The following RAB27A variants were observed in gnomAD, a reference collection of about 807,000 sequenced individuals.
RAB27A encodes RAB27A, member RAS oncogene family, also known as ras-related protein Rab-27A.
In RAB27A, 17 loss-of-function variants were observed where a neutral mutation model predicts 20.8. That is an observed-to-expected ratio of 0.82 (90% CI 0.56 to 1.23). RAB27A has a LOEUF of 1.23. Among genes scored for constraint, RAB27A ranks in the 50% most tolerant of loss-of-function variants. The pLI, the probability that RAB27A is intolerant of heterozygous loss-of-function variation, is 0.00. For missense variants in RAB27A, 277 were observed against 266.7 expected (o/e 1.04, Z -0.27); for synonymous variants, 85 against 92.8 (o/e 0.92, Z 0.48).
In RAB27A at chr15:55,223,930, T is replaced by C. The variant is rs1192923020; in HGVS notation, c.426A>G (p.Val142=). ...GNKSDLEDQR[V]VKEEEAIALA... is the part of the protein sequence containing the mutation. ...GTGCTATGGCTTCCTCCTCTTTCAC[T>C]ACTCTCTGGTCCTCCAGATCACTCT... The change falls in exon 6 of 7, where the codon GTA becomes GTG. Residue 142 remains valine, a synonymous_variant. Transcript: ENST00000336787. 10 of 1,613,848 alleles carry C rather than the reference T, an allele frequency of 6.2e-6. No individual in the cohort carries two copies. Among genetic ancestry groups the C allele is most frequent in the Non-Finnish European group, 8.5e-6 (10 of 1,179,906 alleles).
intron 6 of RAB27A, among the ~76,000 whole-genome samples, chr15:55,206,553 G>A (rs889867357): frequency 3.9e-5 from 6 of 152,070 alleles, no homozygotes; most frequent in African/African-American, 1.4e-4. Context: ...ATGTTGCCCA[G>A]GCTGGTTTCG....
rs72742261 is a variant in RAB27A, at chr15:55,234,688, C to T, written c.153+94G>A. The T allele has an allele frequency of 0.29, 387,630 of 1,359,918 alleles. 61,288 individuals carry two copies. The highest frequency in any genetic ancestry group is 0.65 in the East Asian group (28,010 of 43,278). The allele number at this position is 1,359,918 out of a possible 1,614,324, so 84.2% of individuals were successfully genotyped here. ...ATGTACCTTTAATTTCAGATCCCAA[C>T]CTTTGTCCTCCTAATTCCTACAAAG... On this transcript the variant is annotated intron_variant, in intron 3 of 6. Coordinates refer to ENST00000336787, the MANE Select transcript of RAB27A (RefSeq NM_183235.3).
chr15:55,294,133 T>TAA (rs146292652), upstream of RAB27A, among the ~76,000 whole-genome samples: 44 of 148,070 alleles, frequency 3.0e-4, no homozygotes, highest in African/African-American at 1.0e-3. Context: ...GTATAGTAAT[T>TAA]AAAAAAAAAA....
intron 2 of RAB27A, among the ~76,000 whole-genome samples, chr15:55,306,947 A>G (rs2054999469): frequency 6.6e-6 from 1 of 152,162 alleles, no homozygotes; most frequent in South Asian, 2.1e-4. Flanking sequence ...CAGATCCTCT[A>G]GAGGTTCAAA....
At chr15:55,252,979 A>G (rs892370432) in intron 2 of RAB27A, among the ~76,000 whole-genome samples, 7 of 151,974 alleles carry the variant, frequency 4.6e-5, no homozygotes, top group Non-Finnish European at 7.4e-5. Context: ...TAAAATTACA[A>G]AAATTAGTTG....
At chr15:55,287,558 ACCAACATGGAGAAAC>A (rs1216841742) in intron 1 of RAB27A, among the ~76,000 whole-genome samples, 1 of 151,932 alleles carries the variant, frequency 6.6e-6, no homozygotes, top group Admixed American at 6.6e-5. Context: ...GACCAGCCTG[ACCAACATGGAGAAAC>A]CCTGTCTCTA....
intron 6 of RAB27A, among the ~76,000 whole-genome samples, chr15:55,222,433 A>G (rs1895614115): frequency 6.6e-6 from 1 of 152,058 alleles, no homozygotes; most frequent in Admixed American, 6.6e-5. Context: ...GCAATCTATC[A>G]ATCTCTAGTC....
chr15:55,261,405 A>G (rs1254903116), intron 2 of RAB27A, among the ~76,000 whole-genome samples: 1 of 151,682 alleles, frequency 6.6e-6, no homozygotes, highest in East Asian at 1.9e-4. Flanking sequence ...TCAAAAAAAA[A>G]TAAAAATAAT....
chr15:55,311,601 T>C (rs192794201), intron 2 of RAB27A, among the ~76,000 whole-genome samples: 2 of 152,266 alleles, frequency 1.3e-5, no homozygotes, highest in Admixed American at 1.3e-4. Context: ...AAAAGAAAGT[T>C]TGTACATATG....
At chr15:55,306,509 C>T (rs555306107) in intron 2 of RAB27A, among the ~76,000 whole-genome samples, 4 of 152,150 alleles carry the variant, frequency 2.6e-5, no homozygotes, top group Non-Finnish European at 5.9e-5. Flanking sequence ...GTGTTTTTCT[C>T]TTGCCTGATC....
At chr15:55,230,518 G>C (rs77837596) in intron 3 of RAB27A, 32 bp from the exon 4 acceptor site, 3 of 1,565,796 alleles carry the variant, frequency 1.9e-6, no homozygotes, top group Non-Finnish European at 1.8e-6. Context: ...GAAAACAAAA[G>C]AGAACTTCTA....
At chr15:55,244,675 C>T (rs1350046181) in intron 2 of RAB27A, among the ~76,000 whole-genome samples, 1 of 152,138 alleles carries the variant, frequency 6.6e-6, no homozygotes, top group Non-Finnish European at 1.5e-5. Context: ...ATGGACTTCA[C>T]TTATTGCAGT....
chr15:55,226,705 C>T (rs1046770114), intron 5 of RAB27A, among the ~76,000 whole-genome samples: 1 of 151,450 alleles, frequency 6.6e-6, no homozygotes, highest in Non-Finnish European at 1.5e-5. Flanking sequence ...CCCATCTCTA[C>T]AAAAATACAA....
intron 6 of RAB27A, among the ~76,000 whole-genome samples, chr15:55,210,264 T>C (rs1018872256): frequency 1.9e-4 from 26 of 134,484 alleles, no homozygotes; most frequent in African/African-American, 7.1e-4. Flanking sequence ...CTGGATCATA[T>C]GGTAGTTCTA....
intron 2 of RAB27A, among the ~76,000 whole-genome samples, chr15:55,253,316 G>A (rs190549344): frequency 4.7e-5 from 7 of 149,738 alleles, no homozygotes; most frequent in Admixed American, 1.3e-4. Flanking sequence ...GCACGGTGGC[G>A]GGTGCCTATA....
At chr15:55,270,127 C>T (rs1370809142) in intron 2 of RAB27A, 38 bp downstream of exon 2, 3 of 151,070 alleles carry the variant, frequency 2.0e-5, no homozygotes, top group Non-Finnish European at 4.4e-5. Flanking sequence ...AGCTCAAAAC[C>T]ACTACCAAAA....
chr15:55,301,461 C>T (rs1461128450), intron 2 of RAB27A, among the ~76,000 whole-genome samples: 1 of 142,070 alleles, frequency 7.0e-6, no homozygotes, highest in Non-Finnish European at 1.6e-5. Context: ...ATAAAGTTCA[C>T]CCCTTAAAAG....
chr15:55,278,389 G>A (rs1289212229), intron 1 of RAB27A, among the ~76,000 whole-genome samples: 1 of 152,054 alleles, frequency 6.6e-6, no homozygotes, highest in African/African-American at 2.4e-5. Context: ...ACCTCACAAA[G>A]AAGAGGCATC....
At chr15:55,258,336 G>A (rs978948124) in intron 2 of RAB27A, among the ~76,000 whole-genome samples, 4 of 152,128 alleles carry the variant, frequency 2.6e-5, no homozygotes, top group African/African-American at 9.7e-5. Context: ...ATGCACACCA[G>A]CAAGAGTTTC....
Sources: gnomAD v4.1 joint callset for allele counts (sites outside exome capture counted in the v4.1 genomes callset) on GRCh38, gnomAD v4.1.1 for gene constraint, MANE v1.5 for transcripts, NCBI Gene and HGNC (gene_info 2026-07-23, HGNC 2026-07-21) for gene names.